DYNC2H1: variants seen among roughly 807,000 people sequenced by gnomAD.
The protein encoded by DYNC2H1 is dynein cytoplasmic 2 heavy chain 1.
Under a neutral mutation model 570.0 loss-of-function variants are expected in DYNC2H1, and 410 were observed. The ratio of observed to expected loss-of-function variants is 0.72; its 90% CI spans 0.66 to 0.78. DYNC2H1 has a LOEUF of 0.78. Among genes scored for constraint, DYNC2H1 ranks in the 30% least tolerant of loss-of-function variants. The probability of loss-of-function intolerance (pLI) is 0.00; values close to 1 mark genes in which losing one functional copy is unlikely to be tolerated. For missense variants in DYNC2H1, 4,865 were observed against 5,046.4 expected, an observed-to-expected ratio of 0.96 and a Z score of 1.09; for synonymous variants, 1,688 against 1,677.6, an observed-to-expected ratio of 1.01 and a Z score of -0.15.
chr11:103,122,488 C>G (rs1858771359), intron 10 of DYNC2H1, among the ~76,000 whole-genome samples: 1 of 152,314 alleles, frequency 6.6e-6, no homozygotes, highest in South Asian at 2.1e-4. Flanking sequence ...TATTACTGAA[C>G]ATGTTTAGCA....
At chr11:103,379,777 A>G (rs1941560622) in intron 83 of DYNC2H1, among the ~76,000 whole-genome samples, 2 of 152,186 alleles carry the variant, frequency 1.3e-5, no homozygotes, top group East Asian at 3.9e-4. Flanking sequence ...GGAATCTCCT[A>G]GCTATGCTTA....
At chr11:103,443,454 T>C (rs1198961368) in intron 85 of DYNC2H1, among the ~76,000 whole-genome samples, 1 of 151,968 alleles carries the variant, frequency 6.6e-6, no homozygotes, top group African/African-American at 2.4e-5. Context: ...ATACATAATA[T>C]TGAAGTAGAC....
intron 70 of DYNC2H1, among the ~76,000 whole-genome samples, chr11:103,263,039 A>G (rs113683604): frequency 1.4e-5 from 2 of 142,812 alleles, no homozygotes; most frequent in African/African-American, 5.9e-5. Context: ...AAAAAAAAAA[A>G]AAAAAAAGCA....
rs56702159 is a variant in DYNC2H1 at position 103,110,296 on chromosome 11, G to A, written c.195+527G>A. Among the ~76,000 whole-genome samples the A allele has an allele frequency of 7.0e-3, 1,067 of 152,192 alleles. 9 individuals are homozygous for A. Among genetic ancestry groups the A allele is most frequent in the African/African-American group, 0.024 (1,007 of 41,534 alleles). On this transcript the variant is annotated intron_variant, in intron 1 of 88. Transcript: ENST00000375735. ...CAAAGTGCTGGGATTGCAAGCATGA[G>A]CCACCGCGCCCGGCCTATATTCTAC...
intron 87 of DYNC2H1, among the ~76,000 whole-genome samples, chr11:103,460,532 G>A (rs992921266): frequency 1.3e-5 from 2 of 151,374 alleles, no homozygotes; most frequent in African/African-American, 4.9e-5. Context: ...TATAATATTA[G>A]TATCTGAAAA....
At chr11:103,182,640 A>G (rs946790501) in intron 40 of DYNC2H1, among the ~76,000 whole-genome samples, 2 of 151,908 alleles carry the variant, frequency 1.3e-5, no homozygotes, top group African/African-American at 2.4e-5. Flanking sequence ...TGGATTTGAA[A>G]TGTGAAAAAA....
At chr11:103,187,296 T>G (rs906004787) in intron 42 of DYNC2H1, 44 bp from the exon 43 acceptor site, 1 of 1,607,030 alleles carries the variant, frequency 6.2e-7, no homozygotes, top group Non-Finnish European at 8.5e-7. Flanking sequence ...TGTATTTTGT[T>G]GGTTGCATTT....
chr11:103,360,634 A>G (rs1184505316), intron 83 of DYNC2H1, among the ~76,000 whole-genome samples: 2 of 152,064 alleles, frequency 1.3e-5, no homozygotes, highest in Non-Finnish European at 2.9e-5. Flanking sequence ...ATTTCACAAT[A>G]TTATTGGTCT....
chr11:103,342,776 C>T (rs1939533476), intron 82 of DYNC2H1, among the ~76,000 whole-genome samples: 1 of 151,842 alleles, frequency 6.6e-6, no homozygotes, highest in Non-Finnish European at 1.5e-5. Flanking sequence ...AGCCACTGCA[C>T]CTGGCTGGGT....
chr11:103,415,495 G>A (rs535353598), intron 84 of DYNC2H1, among the ~76,000 whole-genome samples: 6 of 152,288 alleles, frequency 3.9e-5, no homozygotes, highest in African/African-American at 1.4e-4. Flanking sequence ...CAAAGGATAT[G>A]AACAGACACT....
chr11:103,305,811 G>A lies in DYNC2H1; in HGVS notation c.11382+1091G>A, dbSNP rs1295259029. 6.6e-6 allele frequency among the ~76,000 whole-genome samples: 1 copy of A among 152,160 alleles called. No homozygotes were observed. Among genetic ancestry groups the A allele is most frequent in the Non-Finnish European group, 1.5e-5 (1 of 68,026 alleles). ...TTACTTGTAATCAAGAGAAGATACA[G>A]ATTTTGGACTATGAATATTCATGTA... On this transcript the variant is annotated intron_variant, in intron 77 of 88. Coordinates refer to ENST00000375735, the MANE Select transcript of DYNC2H1 (RefSeq NM_001377.3). The surrounding 1 kb of genome is among the most constrained non-coding windows in gnomAD (Gnocchi z 4.3).
chr11:103,169,130 G>A (rs1241066107), intron 32 of DYNC2H1, among the ~76,000 whole-genome samples, 170 bp downstream of exon 32: 1 of 152,026 alleles, frequency 6.6e-6, no homozygotes, highest in African/African-American at 2.4e-5. Flanking sequence ...AGAAAAAAGT[G>A]AAACTTCATT....
intron 42 of DYNC2H1, 54 bp from the exon 43 acceptor site, chr11:103,187,286 T>G: frequency 1.2e-6 from 2 of 1,602,470 alleles, no homozygotes; most frequent in Non-Finnish European, 1.7e-6. Flanking sequence ...GAGTATAAAA[T>G]GTATTTTGTT....
At chr11:103,417,673 C>T (rs905503169) in intron 84 of DYNC2H1, among the ~76,000 whole-genome samples, 9 of 151,778 alleles carry the variant, frequency 5.9e-5, no homozygotes, top group South Asian at 4.2e-4. Context: ...GTCAGGATTT[C>T]GAGACCAGTC....
chr11:103,184,396 G>A (rs1178465031), intron 40 of DYNC2H1, among the ~76,000 whole-genome samples: 1 of 151,504 alleles, frequency 6.6e-6, no homozygotes, highest in East Asian at 1.9e-4. Context: ...AGGGACCCCA[G>A]GGAGGCTTAC....
chr11:103,426,155 A>T (rs940234068), intron 84 of DYNC2H1, among the ~76,000 whole-genome samples: 1 of 152,210 alleles, frequency 6.6e-6, no homozygotes, highest in Non-Finnish European at 1.5e-5. Flanking sequence ...GTCAAAGCCT[A>T]TCCCTTTGTT....
rs1263275345 is a variant in DYNC2H1 at position 103,189,870 on chromosome 11, G to A, written c.7437+54G>A. 2.6e-6 allele frequency: 4 copies of A among 1,509,474 alleles called. No homozygotes were observed. Among genetic ancestry groups the A allele is most frequent in the Admixed American group, 2.1e-5 (1 of 46,694 alleles). 93.5% of individuals were successfully genotyped at this position (1,509,474 alleles called of 1,614,324 possible). A position where few individuals can be genotyped will look rare whatever the true frequency, so the allele number is the denominator to read the frequency against. On this transcript the variant is annotated intron_variant, in intron 45 of 88. Coordinates refer to ENST00000375735, the MANE Select transcript of DYNC2H1 (RefSeq NM_001377.3). This position sits in a 1 kb window ranked among gnomAD's most constrained non-coding sequence, Gnocchi z 4.3. ...ATGTCTATTAGTATCATTTCTAAAG[G>A]TCTACTTTTAATTCTGACCTCTGTG...
At chr11:103,127,981 A>G (rs1217671266) in intron 12 of DYNC2H1, among the ~76,000 whole-genome samples, 1 of 152,242 alleles carries the variant, frequency 6.6e-6, no homozygotes, top group Non-Finnish European at 1.5e-5. Flanking sequence ...GTATGCCTTG[A>G]TGAAGAGGTA....
chr11:103,211,897 G>T lies in DYNC2H1; in HGVS notation c.8648G>T (p.Ser2883Ile). 1 of 1,534,832 alleles carries T rather than the reference G, an allele frequency of 6.5e-7. No individual in the cohort carries two copies. Among genetic ancestry groups the T allele is most frequent in the South Asian group, 1.3e-5 (1 of 78,724 alleles). ...TTTTTACATGTGTATTCTGCCATTA[G>T]TAGTAGCAAGAAAAAGGAATTATTA... ...MTFLHVYSAI[S>I]SSKKKELLKR... Residue 2883 changes from serine (S) to isoleucine (I), a missense_variant, in exon 54 of 89, where the codon AGT becomes ATT. This residue lies in a region of DYNC2H1 where 2,401 missense variants were observed against 2,454.6 expected (regional missense o/e 0.98). Transcript: ENST00000375735.
Sources: allele counts gnomAD v4.1 joint callset (sites outside exome capture counted in the v4.1 genomes callset), GRCh38; gene constraint gnomAD v4.1.1; regional missense constraint gnomAD v4.1.1; non-coding constraint Gnocchi (gnomAD v3.1); transcripts MANE v1.5; gene names NCBI Gene and HGNC (gene_info 2026-07-23, HGNC 2026-07-21).